DGKB: variants seen among roughly 807,000 people sequenced by gnomAD.
DGKB encodes diacylglycerol kinase beta.
DGKB carries 67 observed loss-of-function variants against 114.3 expected under a neutral mutation model. That is an observed-to-expected ratio of 0.59 (90% CI 0.48 to 0.72). The LOEUF (loss-of-function observed/expected upper bound fraction) is 0.72, where lower values mean the gene tolerates loss of function less well. DGKB is among the 30% of genes least tolerant of loss of function. The pLI is 0.00. For synonymous variants in DGKB, 398 were observed against 323.1 expected, an observed-to-expected ratio of 1.23 and a Z score of -2.49; for missense variants, 907 against 975.2, an observed-to-expected ratio of 0.93 and a Z score of 0.93.
In DGKB at chr7:14,534,226, G is replaced by T. The variant is rs73287749; in HGVS notation, c.1770+39986C>A. ...TACAGTTAAAGAAAAGTTGTTATCA[G>T]CTAAAAGTAGACTGTTATAATTACA... is the stretch of plus-strand genomic sequence containing the variant. On this transcript the variant is annotated intron_variant, in intron 20 of 25. Coordinates refer to ENST00000402815, the MANE Select transcript of DGKB (RefSeq NM_001350709.2). Among the ~76,000 whole-genome samples, 319 of 152,138 alleles carry T rather than the reference G, an allele frequency of 2.1e-3. 1 individual carries two copies. Among genetic ancestry groups the T allele is most frequent in the African/African-American group, 7.0e-3 (289 of 41,552 alleles).
At chr7:14,427,006 G>C (rs773547755) in intron 21 of DGKB, among the ~76,000 whole-genome samples, 18 of 152,042 alleles carry the variant, frequency 1.2e-4, no homozygotes, top group Admixed American at 3.3e-4. Context: ...GTTACAGTGA[G>C]CCAAGATAGT....
chr7:14,707,406 C>CA (rs1826486574), intron 6 of DGKB, among the ~76,000 whole-genome samples: 1 of 145,376 alleles, frequency 6.9e-6, no homozygotes, highest in Non-Finnish European at 1.5e-5. Flanking sequence ...GAACTGGTAC[C>CA]ATTCCTTCTG....
intron 1 of DGKB, among the ~76,000 whole-genome samples, chr7:14,921,795 GAAACTTACCCTAA>G (rs1784520157): frequency 6.6e-6 from 1 of 152,116 alleles, no homozygotes; most frequent in Non-Finnish European, 1.5e-5. Context: ...TAAGGAATTT[GAAACTTACCCTAA>G]AAACTGTGGA....
At chr7:14,886,340 G>C (rs959711096) in intron 1 of DGKB, among the ~76,000 whole-genome samples, 2 of 151,772 alleles carry the variant, frequency 1.3e-5, no homozygotes, top group South Asian at 2.1e-4. Flanking sequence ...TATTCTTGAG[G>C]TGACAGCAAG....
chr7:14,622,216 T>C (rs1400108905), intron 14 of DGKB, among the ~76,000 whole-genome samples: 1 of 152,108 alleles, frequency 6.6e-6, no homozygotes, highest in East Asian at 1.9e-4. Flanking sequence ...TTCTTACTCT[T>C]TGAAAACTTG....
intron 2 of DGKB, among the ~76,000 whole-genome samples, chr7:14,818,628 C>G (rs1323644924): frequency 6.6e-6 from 1 of 152,124 alleles, no homozygotes. Flanking sequence ...GAAGCAATGG[C>G]TGTTTGGAAA....
intron 23 of DGKB, among the ~76,000 whole-genome samples, chr7:14,180,046 C>T (rs897979967): frequency 4.6e-5 from 7 of 152,146 alleles, no homozygotes; most frequent in African/African-American, 1.7e-4. Context: ...AGATATATGT[C>T]AACCAGAAAA....
chr7:14,790,135 ATTGT>A (rs1409746926), intron 2 of DGKB, among the ~76,000 whole-genome samples: 2 of 151,858 alleles, frequency 1.3e-5, no homozygotes, highest in Non-Finnish European at 2.9e-5. Flanking sequence ...TTCTAATTAG[ATTGT>A]TTGTTTTGTT....
chr7:14,821,044 C>T (rs1298710375), intron 2 of DGKB, among the ~76,000 whole-genome samples: 2 of 152,120 alleles, frequency 1.3e-5, no homozygotes. Flanking sequence ...GCTCCTACCC[C>T]ATAATCACTT....
At chr7:14,169,364 CA>C (rs35418998) in intron 25 of DGKB, among the ~76,000 whole-genome samples, 2,501 of 65,274 alleles carry the variant, frequency 0.038, 43 homozygotes, top group African/African-American at 0.11. Flanking sequence ...GACTCCGTCT[CA>C]AAAAAAAAAA....
intron 20 of DGKB, among the ~76,000 whole-genome samples, chr7:14,503,187 T>C (rs1786476034): frequency 6.6e-6 from 1 of 152,172 alleles, no homozygotes; most frequent in Non-Finnish European, 1.5e-5. Flanking sequence ...TAAGATCTAC[T>C]GCTGAATCTA....
chr7:14,432,832 A>G (rs943634779), intron 21 of DGKB, among the ~76,000 whole-genome samples: 3 of 151,930 alleles, frequency 2.0e-5, no homozygotes, highest in Non-Finnish European at 2.9e-5. Context: ...TCTTTCCGCT[A>G]TTTAAATGCT....
chr7:14,152,849 T>TA (rs1261799642), intron 25 of DGKB, among the ~76,000 whole-genome samples: 1 of 152,074 alleles, frequency 6.6e-6, no homozygotes, highest in African/African-American at 2.4e-5. Flanking sequence ...ACAGCCAGAA[T>TA]AAAAAATAAC....
intron 4 of DGKB, among the ~76,000 whole-genome samples, chr7:14,742,386 T>G (rs186353944): frequency 1.6e-4 from 25 of 152,312 alleles, no homozygotes; most frequent in Admixed American, 1.5e-3. Context: ...AAGCATTAGA[T>G]CAAATATTTT....
chr7:14,326,490 G>T (rs951798141), intron 23 of DGKB, among the ~76,000 whole-genome samples: 25 of 152,114 alleles, frequency 1.6e-4, no homozygotes, highest in African/African-American at 5.6e-4. Flanking sequence ...AACTACTGTG[G>T]CAGGAATCAC....
chr7:14,631,363 A>G (rs952024994), intron 13 of DGKB, among the ~76,000 whole-genome samples: 11 of 151,936 alleles, frequency 7.2e-5, no homozygotes, highest in African/African-American at 2.4e-4. Flanking sequence ...AAAAGCATTC[A>G]GTGCACTCAA....
At chr7:14,349,993 A>G (rs540441650) in intron 21 of DGKB, among the ~76,000 whole-genome samples, 2 of 152,268 alleles carry the variant, frequency 1.3e-5, no homozygotes, top group African/African-American at 4.8e-5. Context: ...AAACCTCACA[A>G]AAGTTATTCA....
intron 23 of DGKB, among the ~76,000 whole-genome samples, chr7:14,198,471 C>A (rs1785339871): frequency 6.6e-6 from 1 of 151,930 alleles, no homozygotes; most frequent in South Asian, 2.1e-4. Flanking sequence ...CCCCCAAACC[C>A]CAACTTCCAT....
chr7:14,567,539 ATT>A (rs1342655951), intron 20 of DGKB, among the ~76,000 whole-genome samples: 3 of 87,880 alleles, frequency 3.4e-5, no homozygotes, highest in African/African-American at 8.4e-5. Context: ...ATTATATATA[ATT>A]ATATATAATT....
Sources: allele counts gnomAD v4.1 joint callset (sites outside exome capture counted in the v4.1 genomes callset), GRCh38; gene constraint gnomAD v4.1.1; transcripts MANE v1.5; gene names NCBI Gene and HGNC (gene_info 2026-07-23, HGNC 2026-07-21).